ZEB1: variants seen among roughly 807,000 people sequenced by gnomAD.
The protein encoded by ZEB1 is zinc finger E-box-binding homeobox 1.
A neutral mutation model predicts 84.9 loss-of-function variants in ZEB1; 21 were observed. The observed-to-expected ratio is 0.25, with a 90% confidence interval of 0.18 to 0.36. ZEB1 has a LOEUF of 0.36. ZEB1 is among the 10% of genes least tolerant of loss of function. The pLI, the probability that ZEB1 is intolerant of heterozygous loss-of-function variation, is 1.00. For synonymous variants in ZEB1, 420 were observed against 471.1 expected, an observed-to-expected ratio of 0.89 and a Z score of 1.41; for missense variants, 1,104 against 1,330.2, an observed-to-expected ratio of 0.83 and a Z score of 2.65.
chr10:31,342,488 T>C (rs549713894), intron 1 of ZEB1, among the ~76,000 whole-genome samples: 2 of 152,126 alleles, frequency 1.3e-5, no homozygotes, highest in East Asian at 1.9e-4. Context: ...TTCAGTGTTA[T>C]GACAAAGGGT....
At chr10:31,400,138 C>T (rs1350538815) in intron 1 of ZEB1, among the ~76,000 whole-genome samples, 1 of 152,122 alleles carries the variant, frequency 6.6e-6, no homozygotes, top group African/African-American at 2.4e-5. Flanking sequence ...ATATATTTTA[C>T]CTACTTTTTT....
chr10:31,362,695 G>A, intron 1 of ZEB1: 3 of 461,680 alleles, frequency 6.5e-6, no homozygotes, highest in Non-Finnish European at 1.2e-5. Flanking sequence ...GAGCAGCAGG[G>A]CAGAGGCGCT....
chr10:31,382,659 G>T (rs1291527040), intron 1 of ZEB1, among the ~76,000 whole-genome samples: 4 of 152,030 alleles, frequency 2.6e-5, no homozygotes, highest in African/African-American at 9.7e-5. Flanking sequence ...TCTCATATTT[G>T]AAGAATTAGT....
In ZEB1 at chr10:31,475,887, C is replaced by G. The variant is rs151265466; in HGVS notation, c.259+14650C>G. Among the ~76,000 whole-genome samples the G allele has an allele frequency of 1.9e-4, 29 of 152,114 alleles. No homozygotes were observed. The East Asian group carries it at 4.1e-3, about 21-fold the overall frequency. ...ATAAAGCAGTTACACAACTGAGACT[C>G]CAAGGCACCTAGCTAACAAAACTAT... On this transcript the variant is annotated intron_variant, in intron 2 of 8. Transcript: ENST00000424869.
chr10:31,386,259 A>G (rs1205776424), intron 1 of ZEB1, among the ~76,000 whole-genome samples: 1 of 151,780 alleles, frequency 6.6e-6, no homozygotes, highest in Non-Finnish European at 1.5e-5. Flanking sequence ...ATTCCTTTCA[A>G]GGAATTTGGA....
At chr10:31,465,508 G>A (rs1205302273) in intron 2 of ZEB1, among the ~76,000 whole-genome samples, 1 of 151,372 alleles carries the variant, frequency 6.6e-6, no homozygotes, top group South Asian at 2.1e-4. Flanking sequence ...AGAAACAAAG[G>A]CACTTAAAAC....
rs2043068104 is a variant in ZEB1, at chr10:31,361,523, G to A, written c.58+42231G>A. Among the ~76,000 whole-genome samples the A allele has an allele frequency of 2.0e-5, 3 of 152,222 alleles. No individual in the cohort carries two copies. In the South Asian group the frequency reaches 6.2e-4, roughly 32 times the overall value. On this transcript the variant is annotated intron_variant, in intron 1 of 8. Coordinates refer to ENST00000424869, the MANE Select transcript of ZEB1 (RefSeq NM_001174096.2). ...CACTTCACACTTGGAAGGTTGCACA[G>A]CAGCCAGGCAGAGACCCTCCTCACT...
At chr10:31,378,083 C>T (rs2046982430) in intron 1 of ZEB1, among the ~76,000 whole-genome samples, 1 of 149,598 alleles carries the variant, frequency 6.7e-6, no homozygotes, top group African/African-American at 2.4e-5. Flanking sequence ...ATAATATATA[C>T]ATTATATAAT....
At chr10:31,488,127 TA>T (rs964758929) in intron 2 of ZEB1, among the ~76,000 whole-genome samples, 13 of 151,098 alleles carry the variant, frequency 8.6e-5, no homozygotes, top group South Asian at 4.2e-4. Flanking sequence ...ATCCTGGCCT[TA>T]AAAAAAATAT....
intron 1 of ZEB1, among the ~76,000 whole-genome samples, chr10:31,447,591 C>T (rs1333559282): frequency 7.4e-6 from 1 of 135,920 alleles, no homozygotes; most frequent in Non-Finnish European, 1.6e-5. Context: ...CCTTCAGGAG[C>T]TCTTTTAGGG....
chr10:31,336,512 C>T (rs1467507187), intron 1 of ZEB1, among the ~76,000 whole-genome samples: 1 of 152,014 alleles, frequency 6.6e-6, no homozygotes, highest in African/African-American at 2.4e-5. Flanking sequence ...GATAAAAAGG[C>T]ATAAAACACA....
chr10:31,385,054 T>G (rs954310562), intron 1 of ZEB1, among the ~76,000 whole-genome samples: 64 of 152,214 alleles, frequency 4.2e-4, no homozygotes, highest in African/African-American at 1.5e-3. Context: ...CTTATTTCTT[T>G]AGTCTAAAGT....
chr10:31,445,218 T>C (rs1428570640), intron 1 of ZEB1, among the ~76,000 whole-genome samples: 2 of 144,670 alleles, frequency 1.4e-5, no homozygotes, highest in Non-Finnish European at 2.9e-5. Flanking sequence ...TTTCTGTTTG[T>C]CTGTTGTTGG....
At chr10:31,330,708 A>G (rs1313939104) in intron 1 of ZEB1, among the ~76,000 whole-genome samples, 1 of 152,166 alleles carries the variant, frequency 6.6e-6, no homozygotes, top group Non-Finnish European at 1.5e-5. Context: ...CTAAAGAAAA[A>G]GTTTTTAGTT....
rs1261240722 is a variant in ZEB1, at chr10:31,527,972, A to C, written c.*708A>C. On this transcript the variant is annotated 3_prime_UTR_variant, in exon 9 of 9. Coordinates refer to ENST00000424869, the MANE Select transcript of ZEB1 (RefSeq NM_001174096.2). ...ACTCACGTGGTTTAAAATGGAGTTCAAAAGATTGCCATTGAGTTCTGATTG... is the reference window on the plus strand; with the variant it reads ...ACTCACGTGGTTTAAAATGGAGTTCCAAAGATTGCCATTGAGTTCTGATTG... 4 of 152,342 alleles carry C rather than the reference A, an allele frequency of 2.6e-5. No individual in the cohort carries two copies. The highest frequency in any genetic ancestry group is 9.6e-5 in the African/African-American group (4 of 41,458). The allele number at this position is 152,342 out of a possible 1,614,324, so 9.4% of individuals were successfully genotyped here. A position where few individuals can be genotyped will look rare whatever the true frequency, so the allele number is the denominator to read the frequency against.
chr10:31,424,681 C>T (rs964387659), intron 1 of ZEB1, among the ~76,000 whole-genome samples: 2 of 151,920 alleles, frequency 1.3e-5, no homozygotes, highest in Admixed American at 1.3e-4. Context: ...AACTTGACAG[C>T]TCATAGTTTG....
chr10:31,396,205 T>C (rs1276353135), intron 1 of ZEB1, among the ~76,000 whole-genome samples: 1 of 152,240 alleles, frequency 6.6e-6, no homozygotes. Flanking sequence ...TTAATTCATT[T>C]ATTTAATAAT....
At chr10:31,424,133 G>A (rs535604706) in intron 1 of ZEB1, among the ~76,000 whole-genome samples, 27 of 151,754 alleles carry the variant, frequency 1.8e-4, no homozygotes, top group African/African-American at 5.3e-4. Flanking sequence ...AACATTTTAC[G>A]TTTTCTCTAA....
chr10:31,504,455 A>G lies in ZEB1; in HGVS notation c.484+1946A>G, dbSNP rs79167697. On this transcript the variant is annotated intron_variant, in intron 4 of 8. Transcript: ENST00000424869. ...CTATATTGGTCTTTTGTGGTTCCGT[A>G]AAAGTTTTAGGATTGTTTTTTCTGC... 5.6e-3 allele frequency among the ~76,000 whole-genome samples: 851 copies of G among 152,142 alleles called. 13 individuals carry two copies. Among genetic ancestry groups the G allele is most frequent in the African/African-American group, 0.02 (816 of 41,522 alleles).
Sources: allele counts gnomAD v4.1 joint callset (sites outside exome capture counted in the v4.1 genomes callset), GRCh38; gene constraint gnomAD v4.1.1; transcripts MANE v1.5; gene names NCBI Gene and HGNC (gene_info 2026-07-23, HGNC 2026-07-21).